The following WDPCP variants were observed in gnomAD, a reference collection of about 807,000 sequenced individuals.
WDPCP encodes the protein WD repeat-containing and planar cell polarity effector protein fritz homolog.
In WDPCP, 71 loss-of-function variants were observed where a neutral mutation model predicts 93.1. The ratio of observed to expected loss-of-function variants is 0.76; its 90% CI spans 0.63 to 0.93. The LOEUF is 0.93. WDPCP is among the 40% of genes least tolerant of loss of function. The pLI is 0.00. For missense variants in WDPCP, 844 were observed against 887.4 expected (o/e 0.95, Z 0.62); for synonymous variants, 315 against 315.0 (o/e 1.00, Z 0.00).
At chr2:63,524,116 G>C (rs1361676873) in intron 1 of WDPCP, among the ~76,000 whole-genome samples, 2 of 152,094 alleles carry the variant, frequency 1.3e-5, no homozygotes, top group Non-Finnish European at 2.9e-5. Context: ...AATCAGAGAT[G>C]ACACAAACAA....
chr2:63,410,053 A>G (rs1277428901), intron 9 of WDPCP, among the ~76,000 whole-genome samples: 2 of 152,186 alleles, frequency 1.3e-5, no homozygotes, highest in Non-Finnish European at 2.9e-5. Flanking sequence ...TCGCAAAAAG[A>G]TCATTGCTTA....
At chr2:63,124,364 G>T (rs1669750677) in intron 17 of WDPCP, among the ~76,000 whole-genome samples, 1 of 151,792 alleles carries the variant, frequency 6.6e-6, no homozygotes. Flanking sequence ...GTTAATTCTT[G>T]TAGTAATTTT....
chr2:63,295,119 C>T (rs1178247007), intron 13 of WDPCP, among the ~76,000 whole-genome samples: 2 of 151,876 alleles, frequency 1.3e-5, no homozygotes, highest in East Asian at 3.9e-4. Flanking sequence ...TAAATGTAAT[C>T]CCCATGATAA....
At chr2:63,715,455 A>G (rs947943219) in intron 2 of WDPCP, among the ~76,000 whole-genome samples, 1 of 152,218 alleles carries the variant, frequency 6.6e-6, no homozygotes, top group Non-Finnish European at 1.5e-5. Flanking sequence ...ATGAGAAGCT[A>G]CTTTAGCTAC....
At chr2:63,752,882 TG>T (rs1669905506) in intron 2 of WDPCP, among the ~76,000 whole-genome samples, 1 of 151,926 alleles carries the variant, frequency 6.6e-6, no homozygotes, top group Admixed American at 6.6e-5. Flanking sequence ...TAAGTAGAGA[TG>T]GGGCTTCACC....
intron 13 of WDPCP, among the ~76,000 whole-genome samples, chr2:63,307,770 C>A (rs532707475): frequency 6.6e-6 from 1 of 152,226 alleles, no homozygotes; most frequent in African/African-American, 2.4e-5. Context: ...ACCATAAAAA[C>A]CCTAGAAGAA....
At chr2:63,244,500 C>A (rs555662318) in intron 14 of WDPCP, among the ~76,000 whole-genome samples, 1 of 152,138 alleles carries the variant, frequency 6.6e-6, no homozygotes, top group East Asian at 1.9e-4. Flanking sequence ...AAAGAGAGAT[C>A]CAAATAAGCA....
intron 1 of WDPCP, among the ~76,000 whole-genome samples, chr2:63,565,476 A>G (rs1706971375): frequency 6.6e-6 from 1 of 152,228 alleles, no homozygotes; most frequent in Admixed American, 6.5e-5. Flanking sequence ...GATATGAATT[A>G]TAGTATAATA....
the WDPCP span, among the ~76,000 whole-genome samples, chr2:63,836,537 A>C: frequency 2.6e-5 from 4 of 152,212 alleles, no homozygotes; most frequent in Admixed American, 6.5e-5. Context: ...GTTTCTTATT[A>C]GTTTTTTTAT....
At chr2:63,719,043 A>T (rs905093664) in intron 2 of WDPCP, among the ~76,000 whole-genome samples, 1 of 152,236 alleles carries the variant, frequency 6.6e-6, no homozygotes, top group African/African-American at 2.4e-5. Flanking sequence ...CAGAGTCTTG[A>T]CAAGGAAACA....
chr2:63,445,711 G>T (rs1697811626), intron 6 of WDPCP, among the ~76,000 whole-genome samples: 1 of 152,046 alleles, frequency 6.6e-6, no homozygotes, highest in African/African-American at 2.4e-5. Flanking sequence ...ATAAAACAAG[G>T]TCCGAAAGTA....
intron 1 of WDPCP, among the ~76,000 whole-genome samples, chr2:63,575,518 A>ACT (rs1427622731): frequency 2.2e-4 from 16 of 74,326 alleles, no homozygotes; most frequent in South Asian, 4.1e-4. Flanking sequence ...CTGTATATAT[A>ACT]GTATATACAG....
At chr2:63,134,172 T>C (rs559458523) in intron 17 of WDPCP, among the ~76,000 whole-genome samples, 2 of 152,322 alleles carry the variant, frequency 1.3e-5, no homozygotes, top group African/African-American at 4.8e-5. Flanking sequence ...TGTGAGAACT[T>C]TAGTGAAATT....
intron 14 of WDPCP, among the ~76,000 whole-genome samples, chr2:63,219,111 G>T (rs1484752718): frequency 6.6e-6 from 1 of 151,974 alleles, no homozygotes; most frequent in Admixed American, 6.6e-5. Context: ...TTACTATTAG[G>T]GTTTGTTATT....
chr2:63,756,038 A>G (rs1669963250), intron 2 of WDPCP, among the ~76,000 whole-genome samples: 1 of 152,258 alleles, frequency 6.6e-6, no homozygotes, highest in Non-Finnish European at 1.5e-5. Context: ...TTAATGAGGA[A>G]GAGATAATCT....
At chr2:63,382,341 A>T (rs1219734470) in intron 10 of WDPCP, among the ~76,000 whole-genome samples, 1 of 151,980 alleles carries the variant, frequency 6.6e-6, no homozygotes, top group African/African-American at 2.4e-5. Context: ...TAAAACAAAG[A>T]TTGGGGGGTG....
At chr2:63,259,885 C>A (rs1203407831) in intron 13 of WDPCP, among the ~76,000 whole-genome samples, 1 of 152,102 alleles carries the variant, frequency 6.6e-6, no homozygotes. Flanking sequence ...AATTGCTGGG[C>A]ACTGTTTTGG....
At chr2:63,159,455 C>T (rs774471086) in intron 15 of WDPCP, among the ~76,000 whole-genome samples, 9 of 152,086 alleles carry the variant, frequency 5.9e-5, no homozygotes, top group Non-Finnish European at 7.4e-5. Flanking sequence ...CAACATTTGT[C>T]ATCTCAGCAT....
At chr2:63,561,952 A>C (rs1369136978) in intron 1 of WDPCP, among the ~76,000 whole-genome samples, 1 of 152,216 alleles carries the variant, frequency 6.6e-6, no homozygotes, top group Non-Finnish European at 1.5e-5. Flanking sequence ...CACTGTGAAA[A>C]ACAGTGTGAT....
Sources: allele counts gnomAD v4.1 joint callset (sites outside exome capture counted in the v4.1 genomes callset), GRCh38; gene constraint gnomAD v4.1.1; transcripts MANE v1.5; gene names NCBI Gene and HGNC (gene_info 2026-07-23, HGNC 2026-07-21).